The following GREM2 variants were observed in gnomAD, a reference collection of about 807,000 sequenced individuals.
GREM2 encodes gremlin-2.
A neutral mutation model predicts 14.2 loss-of-function variants in GREM2; 11 were observed. The ratio of observed to expected loss-of-function variants is 0.78; its 90% confidence interval spans 0.49 to 1.28. The LOEUF (loss-of-function observed/expected upper bound fraction) is 1.28, where lower values mean the gene tolerates loss of function less well. Ranked by LOEUF, GREM2 falls within the 50% of genes most tolerant of loss-of-function variation. The pLI, the probability that GREM2 is intolerant of heterozygous loss-of-function variation, is 0.00. For synonymous variants in GREM2, 98 were observed against 97.6 expected, an observed-to-expected ratio of 1.00 and a Z score of -0.02; for missense variants, 210 against 218.5, an observed-to-expected ratio of 0.96 and a Z score of 0.24.
intron 1 of GREM2, among the ~76,000 whole-genome samples, chr1:240,501,596 A>C (rs1193967057): frequency 6.6e-6 from 1 of 152,156 alleles, no homozygotes; most frequent in Non-Finnish European, 1.5e-5. Flanking sequence ...TAAATTAAAT[A>C]AGGAGATGAA....
intron 1 of GREM2, among the ~76,000 whole-genome samples, chr1:240,605,017 C>T (rs926044393): frequency 6.6e-6 from 1 of 152,116 alleles, no homozygotes; most frequent in Admixed American, 6.5e-5. Flanking sequence ...TTACTTCCTC[C>T]TTCCTTTGTT....
intron 1 of GREM2, among the ~76,000 whole-genome samples, chr1:240,545,210 T>A (rs1678690932): frequency 6.6e-6 from 1 of 152,172 alleles, no homozygotes; most frequent in Admixed American, 6.5e-5. Context: ...TAAGTTGCTC[T>A]CCAATAACCA....
In GREM2 at chr1:240,540,607, G is replaced by A. The variant is rs1678563998; in HGVS notation, c.-1-47131C>T. ...GAGATGGAGTCTCACTCTGTCGCCA[G>A]TTTGGAGTGCAGTGGCACGATGTAG... On this transcript the variant is annotated intron_variant, in intron 1 of 1. Transcript: ENST00000318160. The surrounding 1 kb of genome is among the most constrained non-coding windows in gnomAD (Gnocchi z 4.2). Among the ~76,000 whole-genome samples the A allele has an allele frequency of 6.6e-6, 1 of 151,150 alleles. No individual in the cohort carries two copies. The highest frequency in any genetic ancestry group is 1.5e-5 in the Non-Finnish European group (1 of 67,922).
intron 1 of GREM2, among the ~76,000 whole-genome samples, chr1:240,587,299 TTTTC>T (rs553781197): frequency 2.4e-4 from 37 of 151,844 alleles, no homozygotes; most frequent in Non-Finnish European, 4.7e-4. Context: ...TTTCACTTTC[TTTTC>T]TTTCTTTTTT....
In GREM2 at chr1:240,560,338, A is replaced by G. The variant is rs529950314; in HGVS notation, c.-2+51546T>C. Among the ~76,000 whole-genome samples, 713 of 152,228 alleles carry G rather than the reference A, an allele frequency of 4.7e-3. 6 individuals are homozygous for G. The highest frequency in any genetic ancestry group is 7.8e-3 in the Non-Finnish European group (532 of 68,010). On this transcript the variant is annotated intron_variant, in intron 1 of 1. Coordinates refer to ENST00000318160, the MANE Select transcript of GREM2 (RefSeq NM_022469.4). ...TTGTACCCACCCCTGCTTTTGTGCT[A>G]TCAGGGTTTATGGCAAAATCATGAC...
chr1:240,518,618 T>C (rs942326405), intron 1 of GREM2, among the ~76,000 whole-genome samples: 1 of 152,228 alleles, frequency 6.6e-6, no homozygotes, highest in African/African-American at 2.4e-5. Context: ...TCTAGATCAA[T>C]TAATAAGAAC....
intron 1 of GREM2, among the ~76,000 whole-genome samples, chr1:240,607,715 G>A (rs1419302405): frequency 6.6e-6 from 1 of 152,082 alleles, no homozygotes; most frequent in Non-Finnish European, 1.5e-5. Flanking sequence ...TCTATTAGAT[G>A]GATGATAAAC....
chr1:240,595,552 G>A (rs1459195105), intron 1 of GREM2, among the ~76,000 whole-genome samples: 1 of 152,096 alleles, frequency 6.6e-6, no homozygotes, highest in Non-Finnish European at 1.5e-5. Context: ...TGGAATGGAA[G>A]GTGTTATTCC....
intron 1 of GREM2, among the ~76,000 whole-genome samples, chr1:240,511,782 G>A (rs764848300): frequency 9.9e-5 from 15 of 152,126 alleles, no homozygotes; most frequent in African/African-American, 1.7e-4. Flanking sequence ...GGACTTGAGC[G>A]TCCGTGGATT....
chr1:240,546,429 C>T (rs751293457), intron 1 of GREM2, among the ~76,000 whole-genome samples: 1 of 152,020 alleles, frequency 6.6e-6, no homozygotes, highest in Non-Finnish European at 1.5e-5. Flanking sequence ...CCACTCACAC[C>T]CAGTGCTACA....
chr1:240,495,205 A>G (rs1160855038), intron 1 of GREM2, among the ~76,000 whole-genome samples: 1 of 152,208 alleles, frequency 6.6e-6, no homozygotes, highest in Non-Finnish European at 1.5e-5. Context: ...CTCTTTTTAC[A>G]ACGGTAGCTA....
At chr1:240,589,798 G>A (rs982669244) in intron 1 of GREM2, among the ~76,000 whole-genome samples, 4 of 152,324 alleles carry the variant, frequency 2.6e-5, no homozygotes, top group Non-Finnish European at 5.9e-5. Flanking sequence ...GAAGTGCAAA[G>A]TCCTTTGGGA....
chr1:240,540,099 T>C lies in GREM2; in HGVS notation c.-1-46623A>G, dbSNP rs936057894. The stretch of plus-strand genomic sequence containing the variant: ...GCCACTCTGTTCCTATACCCCTGAC[T>C]AAATTGCAGTTATGTCTTTAATTGA... On this transcript the variant is annotated intron_variant, in intron 1 of 1. Coordinates refer to ENST00000318160, the MANE Select transcript of GREM2 (RefSeq NM_022469.4). The surrounding 1 kb of genome is among the most constrained non-coding windows in gnomAD (Gnocchi z 4.2). 1.3e-5 allele frequency among the ~76,000 whole-genome samples: 2 copies of C among 152,208 alleles called. No individual in the cohort carries two copies. The highest frequency in any genetic ancestry group is 2.4e-5 in the African/African-American group (1 of 41,448).
In GREM2 at chr1:240,540,371, GA is replaced by G. The variant is rs1247020522; in HGVS notation, c.-1-46896del. Among the ~76,000 whole-genome samples, 1 of 152,162 alleles carries G rather than the reference GA, an allele frequency of 6.6e-6. No homozygotes were observed. The highest frequency in any genetic ancestry group is 1.5e-5 in the Non-Finnish European group (1 of 68,028). Reference sequence around the variant, plus strand: ...AGTCCTTCAATTGCTGCCAAGTGAAGAAGGGAGAAAAACATGGCTAGGACCA... The same window carrying G: ...AGTCCTTCAATTGCTGCCAAGTGAAGAGGGAGAAAAACATGGCTAGGACCA... On this transcript the variant is annotated intron_variant, in intron 1 of 1. Coordinates refer to ENST00000318160, the MANE Select transcript of GREM2 (RefSeq NM_022469.4). This position sits in a 1 kb window ranked among gnomAD's most constrained non-coding sequence, Gnocchi z 4.2.
chr1:240,597,892 T>C (rs1679851455), intron 1 of GREM2, among the ~76,000 whole-genome samples: 1 of 152,080 alleles, frequency 6.6e-6, no homozygotes, highest in Non-Finnish European at 1.5e-5. Context: ...TACTGAGGGG[T>C]TTACACAGAT....
intron 1 of GREM2, among the ~76,000 whole-genome samples, chr1:240,513,575 CAAAAAA>C (rs5782148): frequency 2.7e-5 from 3 of 110,946 alleles, no homozygotes; most frequent in Non-Finnish European, 3.7e-5. Flanking sequence ...ACTCCATCTA[CAAAAAA>C]AAAAAAAAAA....
intron 1 of GREM2, among the ~76,000 whole-genome samples, chr1:240,502,808 G>A (rs1044976668): frequency 1.3e-5 from 2 of 152,152 alleles, no homozygotes; most frequent in African/African-American, 4.8e-5. Context: ...TTCAGGTATT[G>A]AATTTCAAGT....
chr1:240,597,163 C>T (rs894065479), intron 1 of GREM2, among the ~76,000 whole-genome samples: 17 of 152,196 alleles, frequency 1.1e-4, no homozygotes, highest in African/African-American at 2.9e-4. Flanking sequence ...ACCGTGGTTA[C>T]GATCCTTTAG....
chr1:240,547,229 G>A (rs938745536), intron 1 of GREM2, among the ~76,000 whole-genome samples: 1 of 152,128 alleles, frequency 6.6e-6, no homozygotes, highest in Non-Finnish European at 1.5e-5. Context: ...GGCCAGGCAC[G>A]GTGCCTCATG....
Sources: gnomAD v4.1 joint callset for allele counts (sites outside exome capture counted in the v4.1 genomes callset) on GRCh38, gnomAD v4.1.1 for gene constraint, Gnocchi (gnomAD v3.1) non-coding constraint, MANE v1.5 for transcripts, NCBI Gene and HGNC (gene_info 2026-07-23, HGNC 2026-07-21) for gene names.